The following SMAP1 variants were observed in gnomAD, a reference collection of about 807,000 sequenced individuals.
The protein encoded by SMAP1 is stromal membrane-associated protein 1.
A neutral mutation model predicts 58.5 loss-of-function variants in SMAP1; 24 were observed. The observed-to-expected ratio is 0.41, with a 90% CI of 0.30 to 0.58. The LOEUF is 0.58. SMAP1 is among the 20% of genes least tolerant of loss of function. The probability of loss-of-function intolerance (pLI) is 0.29; values close to 1 mark genes in which losing one functional copy is unlikely to be tolerated. For missense variants in SMAP1, 563 were observed against 566.3 expected (o/e 0.99, Z 0.06); for synonymous variants, 216 against 196.6 (o/e 1.10, Z -0.82).
At chr6:70,777,900 G>A (rs769993724) in intron 4 of SMAP1, among the ~76,000 whole-genome samples, 17 of 151,670 alleles carry the variant, frequency 1.1e-4, no homozygotes, top group Non-Finnish European at 2.2e-4. Flanking sequence ...TTACAGGTGC[G>A]TGCCACCATG....
At chr6:70,776,258 C>T in intron 4 of SMAP1, among the ~76,000 whole-genome samples, 1 of 152,188 alleles carries the variant, frequency 6.6e-6, no homozygotes, top group East Asian at 1.9e-4. Flanking sequence ...TCTTGGCTCA[C>T]TGCAACCTCT....
chr6:70,706,911 A>T (rs945914941), intron 1 of SMAP1, among the ~76,000 whole-genome samples: 22 of 152,170 alleles, frequency 1.4e-4, no homozygotes, highest in African/African-American at 4.8e-4. Flanking sequence ...GCCAGTGTTT[A>T]ATATAGTTTC....
intron 1 of SMAP1, among the ~76,000 whole-genome samples, chr6:70,692,418 C>G (rs1767208523): frequency 6.6e-6 from 1 of 152,104 alleles, no homozygotes; most frequent in Non-Finnish European, 1.5e-5. Context: ...CTTTGTTGTG[C>G]CAAAGCTTTA....
intron 2 of SMAP1, among the ~76,000 whole-genome samples, chr6:70,753,397 C>A (rs1028384079): frequency 6.6e-6 from 1 of 152,106 alleles, no homozygotes; most frequent in Admixed American, 6.6e-5. Flanking sequence ...TGCTTCATTG[C>A]AGACTAAGGC....
rs2149914855 is a variant in SMAP1 at position 70,773,397 on chromosome 6, A to G, written c.386A>G (p.Tyr129Cys). ...IRDKYEKKKY[Y>C]DKNAIAITNI... is the part of the protein sequence containing the mutation. Reference sequence around the variant, plus strand: ...GATAAATATGAAAAGAAGAAATACTACGATAAAAATGCCATAGCTATTACA... The same window carrying G: ...GATAAATATGAAAAGAAGAAATACTGCGATAAAAATGCCATAGCTATTACA... The change falls in exon 4 of 11, where the codon TAC becomes TGC. Residue 129 changes from tyrosine (Y) to cysteine (C), a missense_variant. Tyr to Cys is a radical substitution (Grantham distance 194, BLOSUM62 -2). Transcript: ENST00000370455. 1.3e-6 allele frequency: 2 copies of G among 1,570,650 alleles called. No homozygotes were observed. The highest frequency in any genetic ancestry group is 1.7e-6 in the Non-Finnish European group (2 of 1,148,294).
chr6:70,756,220 A>G (rs1030391396), intron 3 of SMAP1, among the ~76,000 whole-genome samples: 5 of 152,110 alleles, frequency 3.3e-5, no homozygotes, highest in African/African-American at 1.2e-4. Flanking sequence ...CTTTGACAAT[A>G]AAATGTAGTT....
chr6:70,679,569 T>A (rs1446347327), intron 1 of SMAP1, among the ~76,000 whole-genome samples: 1 of 152,184 alleles, frequency 6.6e-6, no homozygotes, highest in Non-Finnish European at 1.5e-5. Context: ...AAAAAGTAAC[T>A]CTATATACTA....
chr6:70,717,630 A>C (rs1768329564), intron 1 of SMAP1, among the ~76,000 whole-genome samples: 1 of 152,172 alleles, frequency 6.6e-6, no homozygotes, highest in South Asian at 2.1e-4. Flanking sequence ...TGATCTGTGT[A>C]TACATGTTTA....
chr6:70,832,672 G>C lies in SMAP1; in HGVS notation c.577-4269G>C, dbSNP rs150671821. ...AGCATCTGGTGAGGTCCCTCATGCT[G>C]TATCATCCCATGGTTGGAAGCTGGA... On this transcript the variant is annotated intron_variant, in intron 6 of 10. Coordinates refer to ENST00000370455, the MANE Select transcript of SMAP1 (RefSeq NM_001044305.3). 3.2e-3 allele frequency among the ~76,000 whole-genome samples: 482 copies of C among 152,296 alleles called. 2 individuals are homozygous for C. Among genetic ancestry groups the C allele is most frequent in the African/African-American group, 0.01 (418 of 41,556 alleles).
chr6:70,756,808 C>T (rs905641248), intron 3 of SMAP1, among the ~76,000 whole-genome samples: 2 of 152,110 alleles, frequency 1.3e-5, no homozygotes, highest in Non-Finnish European at 2.9e-5. Context: ...ATCCAACTTA[C>T]AAGGGATGTG....
rs765818799 is a variant in SMAP1 at position 70,858,001 on chromosome 6, G to A, written c.1041G>A (p.Val347=). The change falls in exon 10 of 11, where the codon GTG becomes GTA. Residue 347 remains valine (V), a synonymous_variant. Transcript: ENST00000370455. ...AAFQGFPSMG[V]PVPAAPGLIG... Reference sequence around the variant, plus strand: ...TTCAGGGCTTTCCATCGATGGGCGTGCCTGTGCCTGCAGCTCCTGGCCTTA... The same window carrying A: ...TTCAGGGCTTTCCATCGATGGGCGTACCTGTGCCTGCAGCTCCTGGCCTTA... 12 of 1,614,046 alleles carry A rather than the reference G, an allele frequency of 7.4e-6. No homozygotes were observed. The Admixed American group carries it at 2.0e-4, about 27-fold the overall frequency.
At chr6:70,777,754 TAA>T (rs1348041553) in intron 4 of SMAP1, among the ~76,000 whole-genome samples, 1 of 151,858 alleles carries the variant, frequency 6.6e-6, no homozygotes, top group African/African-American at 2.4e-5. Context: ...TCTTCATTAT[TAA>T]GTTTTTTTTT....
intron 4 of SMAP1, among the ~76,000 whole-genome samples, chr6:70,789,823 T>C (rs1487511328): frequency 2.0e-5 from 3 of 151,890 alleles, no homozygotes; most frequent in African/African-American, 2.4e-5. Context: ...CTTCACACTG[T>C]ATTCCAGCCT....
intron 1 of SMAP1, among the ~76,000 whole-genome samples, chr6:70,728,020 C>T (rs548177155): frequency 3.4e-4 from 51 of 152,060 alleles, no homozygotes; most frequent in Non-Finnish European, 6.8e-4. Flanking sequence ...CCAAGATCTT[C>T]ACCACTGCAC....
intron 7 of SMAP1, chr6:70,837,680 T>C: frequency 1.6e-6 from 1 of 642,994 alleles, no homozygotes; most frequent in Non-Finnish European, 2.0e-6. Flanking sequence ...TTTTTTTTTT[T>C]TACATTTTTT....
intron 2 of SMAP1, among the ~76,000 whole-genome samples, chr6:70,752,475 T>C (rs1766319951): frequency 6.6e-6 from 1 of 152,232 alleles, no homozygotes; most frequent in South Asian, 2.1e-4. Flanking sequence ...CATGGTTGTT[T>C]TGAAATTTAA....
intron 2 of SMAP1, among the ~76,000 whole-genome samples, chr6:70,742,801 C>G (rs1177390505): frequency 6.6e-6 from 1 of 152,106 alleles, no homozygotes; most frequent in Non-Finnish European, 1.5e-5. Flanking sequence ...CTGGGGAGGC[C>G]TCACAATCAT....
chr6:70,677,850 A>G (rs986936199), intron 1 of SMAP1, among the ~76,000 whole-genome samples: 5 of 152,136 alleles, frequency 3.3e-5, no homozygotes, highest in Admixed American at 2.0e-4. Flanking sequence ...CCACAGGTTG[A>G]GGAGTCCTTT....
intron 8 of SMAP1, among the ~76,000 whole-genome samples, chr6:70,854,739 G>C (rs1771330899): frequency 6.6e-6 from 1 of 151,998 alleles, no homozygotes; most frequent in Non-Finnish European, 1.5e-5. Flanking sequence ...CATTTTGGTG[G>C]GTTTTTAATA....
Sources: gnomAD v4.1 joint callset for allele counts (sites outside exome capture counted in the v4.1 genomes callset) on GRCh38, gnomAD v4.1.1 for gene constraint, MANE v1.5 for transcripts, NCBI Gene and HGNC (gene_info 2026-07-23, HGNC 2026-07-21) for gene names.